ZGPAT: variants seen among roughly 807,000 people sequenced by gnomAD.
The protein encoded by ZGPAT is zinc finger CCCH-type with G patch domain-containing protein.
Under a neutral mutation model 47.9 loss-of-function variants are expected in ZGPAT, and 39 were observed. That is an observed-to-expected ratio of 0.81 (90% CI 0.63 to 1.06). ZGPAT has a LOEUF of 1.06. Among genes scored for constraint, ZGPAT ranks in the 50% least tolerant of loss-of-function variants. The pLI is 0.00. For missense variants in ZGPAT, 717 were observed against 681.4 expected (o/e 1.05, Z -0.58); for synonymous variants, 348 against 292.9 (o/e 1.19, Z -1.92).
intron 2 of ZGPAT, among the ~76,000 whole-genome samples, chr20:63,732,149 A>T (rs545860824): frequency 6.6e-6 from 1 of 151,756 alleles, no homozygotes; most frequent in Admixed American, 6.6e-5. Context: ...GTGAGGGTGC[A>T]TGTGTGTGCG....
chr20:63,708,489 G>C (rs1568779558), intron 1 of ZGPAT, 64 bp from the exon 2 acceptor site: 8 of 1,197,896 alleles, frequency 6.7e-6, no homozygotes, highest in Non-Finnish European at 9.2e-6. Flanking sequence ...CCGTGCCCGT[G>C]CCCGCCCTCA....
At chr20:63,715,098 A>G (rs1364156570) in intron 2 of ZGPAT, among the ~76,000 whole-genome samples, 1 of 151,008 alleles carries the variant, frequency 6.6e-6, no homozygotes, top group Non-Finnish European at 1.5e-5. Flanking sequence ...TTATCTCTTT[A>G]TTATTATTAT....
chr20:63,735,436 C>T lies in ZGPAT; in HGVS notation c.1269C>T (p.Asp423=), dbSNP rs767438502. 6.4e-7 allele frequency: 1 copy of T among 1,574,712 alleles called. No homozygotes were observed. The highest frequency in any genetic ancestry group is 8.6e-7 in the Non-Finnish European group (1 of 1,163,718). The change falls in exon 6 of 7, where the codon GAC becomes GAT. Residue 423 remains aspartate, a synonymous_variant. Transcript: ENST00000355969. ...CCCCAGCGGGGAGGAGGAGCAAGGACATGTACCATGCCAGCAAGAGTGCCA... is the reference window on the plus strand; with the variant it reads ...CCCCAGCGGGGAGGAGGAGCAAGGATATGTACCATGCCAGCAAGAGTGCCA... ...GAAPAGRRSK[D]MYHASKSAKR... is the part of the protein sequence containing the mutation.
Position 63,708,669 on chromosome 20 carries a change from C to A in ZGPAT, c.89C>A (p.Ser30Ter). 1 of 1,612,724 alleles carries A rather than the reference C, an allele frequency of 6.2e-7. No homozygotes were observed. Among genetic ancestry groups the A allele is most frequent in the South Asian group, 1.1e-5 (1 of 91,078 alleles). Residue 30 changes from serine (S) to a stop codon, truncating the protein, a stop_gained, in exon 2 of 7, where the codon TCG becomes TAG. Transcript: ENST00000355969. LOFTEE classifies it high-confidence loss of function. ...VELALGAGLD[S>*]SEQADLRQLQ... ...CTGGCCTTGGGCGCCGGCCTGGATT[C>A]GTCTGAGCAGGCTGACCTGCGCCAG...
intron 2 of ZGPAT, 121 bp from the exon 3 acceptor site, chr20:63,733,098 A>G: frequency 7.7e-7 from 1 of 1,299,562 alleles, no homozygotes; most frequent in East Asian, 2.4e-5. Flanking sequence ...GTGTATGTAT[A>G]CGCACGCGTG....
chr20:63,735,392 GC>G lies in ZGPAT; in HGVS notation c.1228del (p.Leu410Ter). 1 of 1,556,940 alleles carries G rather than the reference GC, an allele frequency of 6.4e-7. No individual in the cohort carries two copies. Among genetic ancestry groups the G allele is most frequent in the South Asian group, 1.2e-5 (1 of 81,864 alleles). On this transcript the variant is annotated frameshift_variant, in exon 6 of 7. Transcript: ENST00000355969. LOFTEE classifies it high-confidence loss of function. ...AAAGCTGCAAGGTCAGGCTCCTGGG[GC>G]CCTAGAAGCCGGGGCGGCCCCAGCG... ...NEKLQGQAPG[A>X]LEAGAAPAGR...
At chr20:63,712,509 C>T (rs2091679151) in intron 2 of ZGPAT, among the ~76,000 whole-genome samples, 1 of 152,312 alleles carries the variant, frequency 6.6e-6, no homozygotes, top group African/African-American at 2.4e-5. Context: ...TTAGGATCGG[C>T]TTGTCCAATT....
At chr20:63,724,303 T>C (rs1395015684) in intron 2 of ZGPAT, among the ~76,000 whole-genome samples, 1 of 147,950 alleles carries the variant, frequency 6.8e-6, no homozygotes, top group African/African-American at 2.5e-5. Flanking sequence ...GAAGCGGAGG[T>C]TGCAGTGAGC....
intron 2 of ZGPAT, among the ~76,000 whole-genome samples, chr20:63,715,890 T>C (rs978393463): frequency 6.6e-6 from 1 of 152,190 alleles, no homozygotes; most frequent in Admixed American, 6.5e-5. Context: ...GTTTATTGAC[T>C]ATTGATTCAA....
rs946948047 is a variant in ZGPAT, at chr20:63,708,812, G to A, written c.232G>A (p.Glu78Lys). 5 of 1,605,510 alleles carry A rather than the reference G, an allele frequency of 3.1e-6. No homozygotes were observed. In the African/African-American group the frequency reaches 6.7e-5, roughly 21 times the overall value. ...GCGCCCGGGCCGCCAGGAAGATGCT[G>A]AGTACCAGGCTTTCCGGGAGGCCAT... ...EERPGRQEDAEYQAFREAITE... is the reference protein window; with the variant it reads ...EERPGRQEDAKYQAFREAITE... The change falls in exon 2 of 7, where the codon GAG becomes AAG. Residue 78 changes from glutamate to lysine, a missense_variant. Coordinates refer to ENST00000355969, the MANE Select transcript of ZGPAT (RefSeq NM_181485.3).
chr20:63,720,732 G>A (rs905268810), intron 2 of ZGPAT, among the ~76,000 whole-genome samples: 3 of 152,176 alleles, frequency 2.0e-5, no homozygotes, highest in African/African-American at 7.2e-5. Flanking sequence ...GAGATTACAG[G>A]TGTGAGCCAC....
At chr20:63,719,725 C>A (rs1245521567) in intron 2 of ZGPAT, among the ~76,000 whole-genome samples, 3 of 150,282 alleles carry the variant, frequency 2.0e-5, no homozygotes, top group Non-Finnish European at 1.5e-5. Flanking sequence ...TTTTAAATTT[C>A]TTTTTATTTA....
chr20:63,709,951 C>G (rs1007456381), intron 2 of ZGPAT, among the ~76,000 whole-genome samples: 1 of 152,084 alleles, frequency 6.6e-6, no homozygotes, highest in African/African-American at 2.4e-5. Flanking sequence ...AGCTCCGCCT[C>G]CCGGGTTCAC....
In ZGPAT at chr20:63,709,102, C is replaced by T. The variant is rs749898178; in HGVS notation, c.522C>T (p.His174=). ...GVRVLYLYPT[H]KSLKPCPFFL... ...GTGTGCTTTACCTGTACCCCACTCA[C>T]AAGTCTCTGAAGCCGTGCCCGTTCT... The change falls in exon 2 of 7, where the codon CAC becomes CAT. Residue 174 remains histidine (H), a synonymous_variant. Transcript: ENST00000355969. 6.2e-7 allele frequency: 1 copy of T among 1,613,142 alleles called. No homozygotes were observed. The highest frequency in any genetic ancestry group is 1.3e-5 in the African/African-American group (1 of 74,898).
chr20:63,735,143 C>G lies in ZGPAT; in HGVS notation c.992-16C>G. ...GGTCCCGCAGCCACAGCACTGCCAT[C>G]CCCGTGCCTCCGCAGGTTTGGGCCG... On this transcript the variant is annotated splice_polypyrimidine_tract_variant and intron_variant, in intron 5 of 6. Transcript: ENST00000355969. 3.3e-6 allele frequency: 5 copies of G among 1,502,912 alleles called. No individual in the cohort carries two copies. The highest frequency in any genetic ancestry group is 4.4e-6 in the Non-Finnish European group (5 of 1,127,116). 93.1% of individuals were successfully genotyped at this position (1,502,912 alleles called of 1,614,324 possible).
chr20:63,733,345 C>T lies in ZGPAT; in HGVS notation c.711C>T (p.Arg237=). 1 of 1,611,330 alleles carries T rather than the reference C, an allele frequency of 6.2e-7. No individual in the cohort carries two copies. The change falls in exon 3 of 7, where the codon CGC becomes CGT. Residue 237 remains arginine, a synonymous_variant. Transcript: ENST00000355969. Reference sequence around the variant, plus strand: ...AGGATGGCCTCTGGCACGCAGCACGCATCACCGGTGAGGCTGGCCGTGGGG... The same window carrying T: ...AGGATGGCCTCTGGCACGCAGCACGTATCACCGGTGAGGCTGGCCGTGGGG... ...KHQDGLWHAA[R]ITDVDNGYYT...
rs543302695 is a variant in ZGPAT at position 63,725,779 on chromosome 20, T to C, written c.585-7440T>C. On this transcript the variant is annotated intron_variant, in intron 2 of 6. Transcript: ENST00000355969. ...TTCTCTAAAGCTTTTTTTTTTTTTT[T>C]CCAACCTTTTTTCTCCTTATTCCTC... Among the ~76,000 whole-genome samples the C allele has an allele frequency of 1.4e-3, 214 of 148,560 alleles. 1 individual carries two copies. Among genetic ancestry groups the C allele is most frequent in the Non-Finnish European group, 2.1e-3 (139 of 66,954 alleles).
At chr20:63,731,662 GTGTGAT>G (rs1422933790) in intron 2 of ZGPAT, among the ~76,000 whole-genome samples, 1 of 143,208 alleles carries the variant, frequency 7.0e-6, no homozygotes, top group Non-Finnish European at 1.6e-5. Flanking sequence ...TTGGCCCTGT[GTGTGAT>G]TGTGTGTGCA....
intron 1 of ZGPAT, 125 bp downstream of exon 1, chr20:63,708,243 G>T (rs1460811460): frequency 2.4e-5 from 4 of 163,604 alleles, no homozygotes; most frequent in South Asian, 1.8e-4. Context: ...ACGCCGGGCG[G>T]GGGGGCGCGG....
Sources: gnomAD v4.1 joint callset for allele counts (sites outside exome capture counted in the v4.1 genomes callset) on GRCh38, gnomAD v4.1.1 for gene constraint, MANE v1.5 for transcripts, NCBI Gene and HGNC (gene_info 2026-07-23, HGNC 2026-07-21) for gene names.